The following AFG2A variants were observed in gnomAD, a reference collection of about 807,000 sequenced individuals.
AFG2A encodes AAA ATPase AFG2A, also known as ATPase family gene 2 protein homolog A.
chr4:122,942,384 G>T, the AFG2A span, among the ~76,000 whole-genome samples: 74 of 148,732 alleles, frequency 5.0e-4, no homozygotes, highest in South Asian at 8.7e-4. Context: ...GTCGAGGAAT[G>T]TATCCATTTC....
chr4:123,032,523 C>T, the AFG2A span, among the ~76,000 whole-genome samples: 1 of 152,120 alleles, frequency 6.6e-6, no homozygotes, highest in Non-Finnish European at 1.5e-5. Context: ...TCCCAAGTAT[C>T]TGGGGTTACA....
chr4:122,948,299 C>T, the AFG2A span, among the ~76,000 whole-genome samples: 1 of 151,128 alleles, frequency 6.6e-6, no homozygotes, highest in East Asian at 1.9e-4. Context: ...CTTGAGCAGT[C>T]CTTAGATTTT....
the AFG2A span, among the ~76,000 whole-genome samples, chr4:123,213,825 A>G: frequency 2.0e-5 from 3 of 152,300 alleles, no homozygotes; most frequent in East Asian, 3.9e-4. Flanking sequence ...CTTGCCAGCA[A>G]GTCCATATAA....
the AFG2A span, among the ~76,000 whole-genome samples, chr4:123,204,158 T>G: frequency 6.6e-6 from 1 of 152,222 alleles, no homozygotes; most frequent in Non-Finnish European, 1.5e-5. Context: ...CGACCTGGAT[T>G]TCATCTACGA....
chr4:123,280,370 T>C, the AFG2A span, among the ~76,000 whole-genome samples: 1 of 152,186 alleles, frequency 6.6e-6, no homozygotes, highest in Non-Finnish European at 1.5e-5. Flanking sequence ...TAAAGTTCGG[T>C]TCCTTTACAA....
chr4:123,013,727 ACCAGCTTGT>A, the AFG2A span, among the ~76,000 whole-genome samples: 1 of 152,142 alleles, frequency 6.6e-6, no homozygotes, highest in Non-Finnish European at 1.5e-5. Flanking sequence ...TTAACCTCCT[ACCAGCTTGT>A]CCCTCTGTCA....
At chr4:123,161,787 A>G in the AFG2A span, among the ~76,000 whole-genome samples, 1 of 152,230 alleles carries the variant, frequency 6.6e-6, no homozygotes, top group African/African-American at 2.4e-5. Context: ...TCTTCAGGAA[A>G]GAAATATAAG....
chr4:123,201,837 A>G, the AFG2A span, among the ~76,000 whole-genome samples: 3 of 152,154 alleles, frequency 2.0e-5, no homozygotes, highest in East Asian at 5.8e-4. Flanking sequence ...TGGGAAGACC[A>G]TCTGAGCTGG....
chr4:122,969,667 A>AT, the AFG2A span, among the ~76,000 whole-genome samples: 1 of 152,186 alleles, frequency 6.6e-6, no homozygotes, highest in Non-Finnish European at 1.5e-5. Flanking sequence ...CTTTCAATCA[A>AT]TTTGGAGAGA....
chr4:122,947,195 T>G, the AFG2A span: 5 of 1,488,254 alleles, frequency 3.4e-6, no homozygotes, highest in Non-Finnish European at 4.5e-6. Flanking sequence ...TTTTCTAACT[T>G]TCAGAAAAAT....
At chr4:123,204,387 G>A in the AFG2A span, among the ~76,000 whole-genome samples, 4 of 152,122 alleles carry the variant, frequency 2.6e-5, 1 homozygote, top group Admixed American at 6.5e-5. Context: ...ATCCCTGCCA[G>A]CATTTCATAT....
At chr4:123,022,513 A>G in the AFG2A span, among the ~76,000 whole-genome samples, 2 of 150,354 alleles carry the variant, frequency 1.3e-5, no homozygotes, top group Admixed American at 6.6e-5. Flanking sequence ...TAGAATGGCA[A>G]TCATTAAAAA....
the AFG2A span, among the ~76,000 whole-genome samples, chr4:123,177,147 T>A: frequency 6.6e-6 from 1 of 152,092 alleles, no homozygotes; most frequent in African/African-American, 2.4e-5. Context: ...TGTAATCATG[T>A]TATTTTGTCA....
chr4:123,293,866 T>C, the AFG2A span, among the ~76,000 whole-genome samples: 6 of 152,128 alleles, frequency 3.9e-5, no homozygotes, highest in African/African-American at 1.4e-4. Context: ...CCTCTGGGGG[T>C]TTGACCTCTG....
the AFG2A span, among the ~76,000 whole-genome samples, chr4:123,158,179 A>G: frequency 6.6e-6 from 1 of 152,210 alleles, no homozygotes; most frequent in Non-Finnish European, 1.5e-5. Context: ...CTCATTTGAC[A>G]CATATGACCA....
At chr4:123,243,735 T>TAA in the AFG2A span, among the ~76,000 whole-genome samples, 9 of 150,432 alleles carry the variant, frequency 6.0e-5, no homozygotes, top group African/African-American at 2.2e-4. Context: ...ACCCTGTAAT[T>TAA]AAAAAAAAAA....
At chr4:122,991,092 G>A in the AFG2A span, among the ~76,000 whole-genome samples, 1 of 152,180 alleles carries the variant, frequency 6.6e-6, no homozygotes, top group Non-Finnish European at 1.5e-5. Context: ...GGGGAGCAGC[G>A]ACTTTTTGTA....
the AFG2A span, among the ~76,000 whole-genome samples, chr4:123,028,652 T>C: frequency 6.6e-6 from 1 of 152,232 alleles, no homozygotes; most frequent in African/African-American, 2.4e-5. Context: ...CTTATATCCA[T>C]GTGTAACAGA....
chr4:122,958,360 T>A, the AFG2A span, among the ~76,000 whole-genome samples: 1 of 152,098 alleles, frequency 6.6e-6, no homozygotes, highest in African/African-American at 2.4e-5. Flanking sequence ...TTAAATGGAG[T>A]GCTTGTAAAT....
Sources: gnomAD v4.1 joint callset for allele counts (sites outside exome capture counted in the v4.1 genomes callset) on GRCh38, gnomAD v4.1.1 for gene constraint, MANE v1.5 for transcripts, NCBI Gene and HGNC (gene_info 2026-07-23, HGNC 2026-07-21) for gene names.